Variants in SRSF1 observed in about 807,000 individuals in gnomAD.
SRSF1 encodes serine and arginine rich splicing factor 1, also known as serine/arginine-rich splicing factor 1.
Under a neutral mutation model 25.9 loss-of-function variants are expected in SRSF1, and 1 was observed. The ratio of observed to expected loss-of-function variants is 0.04; its 90% CI spans 0.01 to 0.18. SRSF1 has a LOEUF of 0.18. Ranked by LOEUF, SRSF1 falls within the 10% of genes least tolerant of loss-of-function variation. The pLI is 1.00. For missense variants in SRSF1, 65 were observed against 350.5 expected, an observed-to-expected ratio of 0.19 and a Z score of 6.50; for synonymous variants, 132 against 126.2, an observed-to-expected ratio of 1.05 and a Z score of -0.31.
the SRSF1 span, chr17:57,989,276 A>G: frequency 2.5e-6 from 1 of 398,654 alleles, no homozygotes; most frequent in Non-Finnish European, 4.4e-6. Flanking sequence ...GCTACTGGGA[A>G]TATCAGAGAC....
the SRSF1 span, chr17:57,989,838 T>C: frequency 2.5e-6 from 1 of 398,352 alleles, no homozygotes. Flanking sequence ...GAGTTTCTGA[T>C]ACATTTATCA....
rs954836010 is a variant in SRSF1 at position 58,004,733 on chromosome 17, C to G, written c.*673G>C. On this transcript the variant is annotated 3_prime_UTR_variant, in exon 4 of 4. Coordinates refer to ENST00000258962, the MANE Select transcript of SRSF1 (RefSeq NM_006924.5). The stretch of plus-strand genomic sequence containing the variant: ...GGGAAGGGAGCAAAATAAGTTGCTA[C>G]AAAATGGGCAATATAATTTTGCCAC... 4 of 371,612 alleles carry G rather than the reference C, an allele frequency of 1.1e-5. No homozygotes were observed. Among genetic ancestry groups the G allele is most frequent in the Non-Finnish European group, 1.4e-5 (3 of 209,438 alleles). The allele number at this position is 371,612 out of a possible 1,614,324, so 23.0% of individuals were successfully genotyped here. A position where few individuals can be genotyped will look rare whatever the true frequency, so the allele number is the denominator to read the frequency against.
At position 58,004,235 on chromosome 17, in the gene SRSF1, C is replaced by T. The variant is rs968040712; in HGVS notation, c.*1171G>A. On this transcript the variant is annotated 3_prime_UTR_variant, in exon 4 of 4. Transcript: ENST00000258962. ...TGTATTTACAGTTCAACTGATAATG[C>T]CAACACTTGTTACTGTACAGCGTAT... The T allele has an allele frequency of 1.3e-5, 2 of 152,568 alleles. No homozygotes were observed. Among genetic ancestry groups the T allele is most frequent in the Non-Finnish European group, 2.9e-5 (2 of 68,020 alleles). The allele number at this position is 152,568 out of a possible 1,614,324, so 9.5% of individuals were successfully genotyped here. A position where few individuals can be genotyped will look rare whatever the true frequency, so the allele number is the denominator to read the frequency against.
Position 58,001,831 on chromosome 17 carries a change from T to C in SRSF1, c.*3575A>G, listed in dbSNP as rs2075393219. The stretch of plus-strand genomic sequence containing the variant: ...ACTACAAAACCTATGCCCCTTTACC[T>C]AAGTAAACATTAGATCCTCTCTAAT... On this transcript the variant is annotated 3_prime_UTR_variant, in exon 4 of 4. Transcript: ENST00000258962. Among the ~76,000 whole-genome samples, 1 of 152,148 alleles carries C rather than the reference T, an allele frequency of 6.6e-6. No homozygotes were observed.
downstream of SRSF1, among the ~76,000 whole-genome samples, chr17:57,998,129 G>C (rs996904449): frequency 4.6e-5 from 7 of 152,136 alleles, no homozygotes; most frequent in Non-Finnish European, 8.8e-5. Flanking sequence ...AGAATCGCTT[G>C]AACCCGGGAG....
the SRSF1 span, chr17:57,994,568 G>A: frequency 6.6e-6 from 1 of 152,208 alleles, no homozygotes; most frequent in East Asian, 1.9e-4. Context: ...GTTTCTCCCA[G>A]TGGCTTGAAG....
downstream of SRSF1, among the ~76,000 whole-genome samples, chr17:57,996,950 A>C (rs976389100): frequency 6.6e-6 from 1 of 152,224 alleles, no homozygotes; most frequent in Non-Finnish European, 1.5e-5. Context: ...CAACAAAAAA[A>C]CAACCAAAAT....
chr17:58,006,159 T>C, intron 2 of SRSF1, 184 bp downstream of exon 2: 2 of 957,760 alleles, frequency 2.1e-6, no homozygotes, highest in South Asian at 1.8e-5. Flanking sequence ...TCTTCGTATC[T>C]AGTACCGCAA....
At position 58,005,642 on chromosome 17, in the gene SRSF1, T is replaced by A; in HGVS notation, c.553-42A>T. 1 of 1,611,188 alleles carries A rather than the reference T, an allele frequency of 6.2e-7. No individual in the cohort carries two copies. The highest frequency in any genetic ancestry group is 1.1e-5 in the South Asian group (1 of 90,990). On this transcript the variant is annotated intron_variant, in intron 3 of 3. Coordinates refer to ENST00000258962, the MANE Select transcript of SRSF1 (RefSeq NM_006924.5). This position sits in a 1 kb window ranked among gnomAD's most constrained non-coding sequence, Gnocchi z 5.2. Reference sequence around the variant, plus strand: ...ACTTTCCATTGAAAGATCTAAGCTTTCATCTATCTTCAGACATGCTGAATG... The same window carrying A: ...ACTTTCCATTGAAAGATCTAAGCTTACATCTATCTTCAGACATGCTGAATG...
the SRSF1 span, chr17:57,990,590 T>C: frequency 6.6e-6 from 1 of 152,148 alleles, no homozygotes; most frequent in Non-Finnish European, 1.5e-5. Flanking sequence ...GGACAGAAAA[T>C]TTCTCTAACC....
chr17:57,992,419 C>T, the SRSF1 span: 6 of 152,032 alleles, frequency 3.9e-5, no homozygotes, highest in African/African-American at 1.4e-4. Context: ...GGTGGTCCTG[C>T]ACCAAACTAC....
the SRSF1 span, chr17:57,992,583 C>G: frequency 6.6e-6 from 1 of 152,326 alleles, no homozygotes; most frequent in Admixed American, 6.5e-5. Flanking sequence ...ACCCCAAATA[C>G]AACCCACCAG....
the SRSF1 span, chr17:57,991,628 T>G: frequency 6.6e-6 from 1 of 151,746 alleles, no homozygotes; most frequent in East Asian, 1.9e-4. Context: ...CAACATATTT[T>G]CAAAGTGACA....
At chr17:58,006,771 G>A (rs1238551883) in intron 1 of SRSF1, 173 bp downstream of exon 1, 3 of 924,260 alleles carry the variant, frequency 3.2e-6, no homozygotes, top group East Asian at 2.6e-5. Flanking sequence ...AAGGCGAGGC[G>A]CCAGAGAAGC....
chr17:58,002,540 G>A lies in SRSF1; in HGVS notation c.*2866C>T, dbSNP rs1449447325. 1.3e-5 allele frequency among the ~76,000 whole-genome samples: 2 copies of A among 152,190 alleles called. No homozygotes were observed. The highest frequency in any genetic ancestry group is 2.9e-5 in the Non-Finnish European group (2 of 68,018). Reference sequence around the variant, plus strand: ...AAATACAAGAAGTAGCAGGCTAAAAGTTTTTAACTGCTTTGGTAGAGAACA... The same window carrying A: ...AAATACAAGAAGTAGCAGGCTAAAAATTTTTAACTGCTTTGGTAGAGAACA... On this transcript the variant is annotated 3_prime_UTR_variant, in exon 4 of 4. Coordinates refer to ENST00000258962, the MANE Select transcript of SRSF1 (RefSeq NM_006924.5).
downstream of SRSF1, among the ~76,000 whole-genome samples, chr17:57,999,572 A>G (rs1321167200): frequency 6.6e-6 from 1 of 152,202 alleles, no homozygotes; most frequent in Admixed American, 6.5e-5. Flanking sequence ...TACCCAAACC[A>G]TCTAACTTTA....
the SRSF1 span, among the ~76,000 whole-genome samples, chr17:57,995,167 A>G: frequency 9.5e-3 from 1,446 of 152,328 alleles, 22 homozygotes; most frequent in African/African-American, 0.033. Context: ...TTTATTGGAA[A>G]CTGGAAGTTA....
In SRSF1 at chr17:58,002,576, TG is replaced by T. The variant is rs1206665055; in HGVS notation, c.*2829del. On this transcript the variant is annotated 3_prime_UTR_variant, in exon 4 of 4. Transcript: ENST00000258962. ...CTTTGGTAGAGAACACCAAAGTTTT[TG>T]GTACAAAATAATCTTATGGTTGGAG... Among the ~76,000 whole-genome samples, 1 of 152,234 alleles carries T rather than the reference TG, an allele frequency of 6.6e-6. No homozygotes were observed.
In SRSF1 at chr17:58,007,200, G is replaced by A. The variant is rs550325334; in HGVS notation, c.-63C>T. 3.8e-6 allele frequency: 6 copies of A among 1,585,470 alleles called. No homozygotes were observed. Among genetic ancestry groups the A allele is most frequent in the Admixed American group, 3.4e-5 (2 of 58,598 alleles). Reference sequence around the variant, plus strand: ...CCCACCAAGCCTAGCGCACGGCAGAGCGAGCCCGCAGCGGCACCACGTCTC... The same window carrying A: ...CCCACCAAGCCTAGCGCACGGCAGAACGAGCCCGCAGCGGCACCACGTCTC... On this transcript the variant is annotated 5_prime_UTR_variant, in exon 1 of 4. Transcript: ENST00000258962.
Sources: allele counts gnomAD v4.1 joint callset (sites outside exome capture counted in the v4.1 genomes callset), GRCh38; gene constraint gnomAD v4.1.1; non-coding constraint Gnocchi (gnomAD v3.1); transcripts MANE v1.5; gene names NCBI Gene and HGNC (gene_info 2026-07-23, HGNC 2026-07-21).